MYH9: variants seen among roughly 807,000 people sequenced by gnomAD.
MYH9 encodes the protein myosin heavy chain 9.
In MYH9, 29 loss-of-function variants were observed where a neutral mutation model predicts 241.9. The observed-to-expected ratio is 0.12, with a 90% CI of 0.09 to 0.16. The LOEUF (loss-of-function observed/expected upper bound fraction) is 0.16, where lower values mean the gene tolerates loss of function less well. Among genes scored for constraint, MYH9 ranks in the 10% least tolerant of loss-of-function variants. The pLI, the probability that MYH9 is intolerant of heterozygous loss-of-function variation, is 1.00. For missense variants in MYH9, 1,803 were observed against 2,595.5 expected (o/e 0.69, Z 6.63); for synonymous variants, 1,047 against 1,062.6 (o/e 0.99, Z 0.29).
intron 1 of MYH9, among the ~76,000 whole-genome samples, chr22:36,386,661 A>G (rs566678580): frequency 1.1e-4 from 17 of 152,218 alleles, no homozygotes; most frequent in African/African-American, 4.1e-4. Context: ...GGACTTCCCA[A>G]GGAGTCTTCT....
chr22:36,385,000 G>A (rs988020176), intron 1 of MYH9, among the ~76,000 whole-genome samples: 2 of 152,118 alleles, frequency 1.3e-5, no homozygotes, highest in Non-Finnish European at 2.9e-5. Context: ...GTGACTCTCT[G>A]GGGCTGCACA....
intron 39 of MYH9, 37 bp downstream of exon 39, chr22:36,284,366 C>A: frequency 6.2e-7 from 1 of 1,608,706 alleles, no homozygotes; most frequent in Non-Finnish European, 8.5e-7. Flanking sequence ...GCTGCCCAGC[C>A]CCGCTGCCCT....
At chr22:36,355,810 C>T (rs1224602594) in intron 1 of MYH9, among the ~76,000 whole-genome samples, 1 of 152,132 alleles carries the variant, frequency 6.6e-6, no homozygotes, top group African/African-American at 2.4e-5. Flanking sequence ...CTGGTGAGGT[C>T]AAGGGGGCTA....
chr22:36,301,719 G>GCCAACAGGTGTGAGGCCTCTC (rs2016880974), intron 20 of MYH9, 54 bp from the exon 21 acceptor site: 1 of 1,604,290 alleles, frequency 6.2e-7, no homozygotes, highest in East Asian at 2.2e-5. Flanking sequence ...GCCCGCCTCT[G>GCCAACAGGTGTGAGGCCTCTC]CCAACAGGTG....
chr22:36,349,388 C>A (rs1283947159), intron 1 of MYH9, 133 bp from the exon 2 acceptor site: 2 of 729,018 alleles, frequency 2.7e-6, no homozygotes, highest in East Asian at 2.7e-5. Flanking sequence ...AACCAGGCTG[C>A]ACAACTTTCT....
intron 5 of MYH9, among the ~76,000 whole-genome samples, chr22:36,325,301 C>G (rs893890228): frequency 1.3e-5 from 2 of 152,176 alleles, no homozygotes; most frequent in African/African-American, 2.4e-5. Flanking sequence ...ACTTTTGGTT[C>G]GGTTCCAGAA....
rs140588099 is a variant in MYH9 at position 36,282,733 on chromosome 22, C to T, written c.5818G>A (p.Gly1940Arg). ...VPRRMARKGA[G>R]DGSDEEVDGK... ...TCTACCTCTTCGTCGGAGCCATCCC[C>T]GGCGCCTTTCCGGGCCATTCGGCGG... Residue 1940 changes from glycine (G) to arginine (R), a missense_variant, in exon 41 of 41, where the codon GGG becomes AGG. Physicochemically the swap from Gly to Arg is moderately radical, Grantham distance 125 (BLOSUM62 -2). Transcript: ENST00000216181. The T allele has an allele frequency of 2.6e-3, 4,224 of 1,613,818 alleles. 15 individuals are homozygous for T. The highest frequency in any genetic ancestry group is 3.4e-3 in the Non-Finnish European group (4,025 of 1,180,026).
intron 3 of MYH9, among the ~76,000 whole-genome samples, chr22:36,336,106 C>A (rs1313811994): frequency 1.3e-5 from 2 of 152,162 alleles, no homozygotes; most frequent in Admixed American, 1.3e-4. Context: ...AAGTTTAGGC[C>A]TAGAATGAAA....
chr22:36,322,537 G>A lies in MYH9; in HGVS notation c.613-16C>T. On this transcript the variant is annotated splice_polypyrimidine_tract_variant and intron_variant, in intron 5 of 40. Transcript: ENST00000216181. ...CCAGCTCGCCCTGCAAGGAACCCAG[G>A]GACGCAGTGAAGGCCGGGCAGCGAC... 1 of 1,613,218 alleles carries A rather than the reference G, an allele frequency of 6.2e-7. No homozygotes were observed. The highest frequency in any genetic ancestry group is 8.5e-7 in the Non-Finnish European group (1 of 1,179,816).
chr22:36,295,358 G>C lies in MYH9; in HGVS notation c.3485+147C>G. ...CTACTCTGTAGAGAGAAACCGCTGA[G>C]GAACCAGCAGCTTCCATGCCTGCTG... is the stretch of plus-strand genomic sequence containing the variant. On this transcript the variant is annotated intron_variant, in intron 26 of 40. Coordinates refer to ENST00000216181, the MANE Select transcript of MYH9 (RefSeq NM_002473.6). This position sits in a 1 kb window ranked among gnomAD's most constrained non-coding sequence, Gnocchi z 4.1. 1 of 766,372 alleles carries C rather than the reference G, an allele frequency of 1.3e-6. No homozygotes were observed. Among genetic ancestry groups the C allele is most frequent in the South Asian group, 1.5e-5 (1 of 64,548 alleles). 47.5% of individuals were successfully genotyped at this position (766,372 alleles called of 1,614,324 possible).
rs896873577 is a variant in MYH9 at position 36,285,757 on chromosome 22, C to T, written c.5175G>A (p.Arg1725=). The T allele has an allele frequency of 1.9e-6, 3 of 1,610,822 alleles. No homozygotes were observed. The highest frequency in any genetic ancestry group is 1.1e-5 in the South Asian group (1 of 90,624). Residue 1725 remains arginine, a synonymous_variant, in exon 37 of 41, where the codon CGG becomes CGA. Transcript: ENST00000216181. This position sits in a 1 kb window ranked among gnomAD's most constrained non-coding sequence, Gnocchi z 7.0. ...GKGALALEEK[R]RLEARIAQLE... ...GCTGGGCGATGCGGGCCTCCAGACG[C>T]CGCTTCTCCTCTAACGCCAGGGCTC...
chr22:36,315,812 C>T (rs2017140733), intron 12 of MYH9, among the ~76,000 whole-genome samples: 1 of 151,260 alleles, frequency 6.6e-6, no homozygotes. Flanking sequence ...GAAAATGAGC[C>T]CTTCTGTTTA....
chr22:36,287,549 C>G (rs1309218397), intron 34 of MYH9, among the ~76,000 whole-genome samples: 1 of 152,112 alleles, frequency 6.6e-6, no homozygotes, highest in East Asian at 1.9e-4. Flanking sequence ...TGAGACCATC[C>G]TGGCTAACAT....
intron 1 of MYH9, among the ~76,000 whole-genome samples, chr22:36,361,060 C>T (rs570946612): frequency 2.0e-5 from 3 of 152,328 alleles, no homozygotes; most frequent in Admixed American, 6.5e-5. Flanking sequence ...TAATAACCTA[C>T]AGCAGCCTCG....
At position 36,292,245 on chromosome 22, in the gene MYH9, G is replaced by A; in HGVS notation, c.4096-11C>T. ...TTTCATGTCGGCCACCTGGGCAGGA[G>A]CAAGGAGTAAGCAGATGCCCGAGAT... On this transcript the variant is annotated splice_polypyrimidine_tract_variant and intron_variant, in intron 30 of 40. Transcript: ENST00000216181. The A allele has an allele frequency of 6.2e-7, 1 of 1,613,618 alleles. No homozygotes were observed. The highest frequency in any genetic ancestry group is 8.5e-7 in the Non-Finnish European group (1 of 1,180,026).
intron 3 of MYH9, among the ~76,000 whole-genome samples, chr22:36,338,819 CAA>C (rs1328134632): frequency 2.5e-4 from 28 of 110,772 alleles, no homozygotes; most frequent in Admixed American, 2.8e-4. Flanking sequence ...GACTCCATCT[CAA>C]AAAAAAAAAA....
intron 3 of MYH9, among the ~76,000 whole-genome samples, chr22:36,328,485 C>T (rs34694957): frequency 6.6e-6 from 1 of 152,248 alleles, no homozygotes; most frequent in Non-Finnish European, 1.5e-5. Flanking sequence ...GATCAGGCTA[C>T]TTACAAATAT....
chr22:36,319,547 G>A lies in MYH9; in HGVS notation c.1101C>T (p.Asp367=). ...AGAGGCCCCGGGTGTTACCTGTGTT[G>A]TCGGGCATGGACGCCTGGTCAGTGT... ...ERNTDQASMP[D]NTAAQKVSHL... The change falls in exon 10 of 41, where the codon GAC becomes GAT. Residue 367 remains aspartate, a synonymous_variant. Coordinates refer to ENST00000216181, the MANE Select transcript of MYH9 (RefSeq NM_002473.6). The A allele has an allele frequency of 6.2e-7, 1 of 1,614,146 alleles. No individual in the cohort carries two copies. Among genetic ancestry groups the A allele is most frequent in the Non-Finnish European group, 8.5e-7 (1 of 1,180,026 alleles).
At chr22:36,318,468 C>G in intron 10 of MYH9, 143 bp from the exon 11 acceptor site, 1 of 766,906 alleles carries the variant, frequency 1.3e-6, no homozygotes, top group South Asian at 1.4e-5. Flanking sequence ...AATGAGCAAT[C>G]ATTACCAGGA....
Sources: allele counts gnomAD v4.1 joint callset (sites outside exome capture counted in the v4.1 genomes callset), GRCh38; gene constraint gnomAD v4.1.1; non-coding constraint Gnocchi (gnomAD v3.1); transcripts MANE v1.5; gene names NCBI Gene and HGNC (gene_info 2026-07-23, HGNC 2026-07-21).